The following TRPA1 variants were observed in gnomAD, a reference collection of about 807,000 sequenced individuals.
TRPA1 encodes ankyrin-like with transmembrane domains 1.
TRPA1 carries 129 observed loss-of-function variants against 131.3 expected under a neutral mutation model. That is an observed-to-expected ratio of 0.98 (90% CI 0.85 to 1.14). TRPA1 has a LOEUF of 1.14. Among genes scored for constraint, TRPA1 ranks in the 50% most tolerant of loss-of-function variants. The probability of loss-of-function intolerance (pLI) is 0.00; values close to 1 mark genes in which losing one functional copy is unlikely to be tolerated. For synonymous variants in TRPA1, 441 were observed against 451.7 expected (o/e 0.98, Z 0.30); for missense variants, 1,304 against 1,354.2 (o/e 0.96, Z 0.58).
At chr8:72,057,608 C>G (rs1241475169) in intron 9 of TRPA1, 109 bp downstream of exon 9, 3 of 872,326 alleles carry the variant, frequency 3.4e-6, no homozygotes, top group East Asian at 4.9e-5. Flanking sequence ...CAGGGCCTGG[C>G]ACACAATAGA....
the TRPA1 span, among the ~76,000 whole-genome samples, chr8:72,088,345 G>A: frequency 3.5e-5 from 4 of 112,890 alleles, no homozygotes; most frequent in Admixed American, 1.7e-4. Flanking sequence ...CCCTGTTTTG[G>A]ATTTACTTTT....
Position 72,055,693 on chromosome 8 carries a change from C to A in TRPA1, c.1357G>T (p.Ala453Ser). 6.2e-7 allele frequency: 1 copy of A among 1,613,610 alleles called. No homozygotes were observed. Among genetic ancestry groups the A allele is most frequent in the Non-Finnish European group, 8.5e-7 (1 of 1,179,682 alleles). Residue 453 changes from alanine (A) to serine (S), a missense_variant, in exon 11 of 27, where the codon GCA (alanine) becomes TCA (serine). By Grantham distance (99) the Ala-to-Ser change is moderately conservative. Transcript: ENST00000262209. Reference sequence around the variant, plus strand: ...TGCTAGACTGACCCTTACCTGGCTGCAAAATGCAGAGGTGATTTCTTATCT... The same window carrying A: ...TGCTAGACTGACCCTTACCTGGCTGAAAAATGCAGAGGTGATTTCTTATCT... ...SKDKKSPLHF[A>S]ASYGRINTCQ...
intron 6 of TRPA1, among the ~76,000 whole-genome samples, chr8:72,061,997 C>T (rs143461533): frequency 1.3e-5 from 2 of 152,184 alleles, no homozygotes; most frequent in Non-Finnish European, 2.9e-5. Flanking sequence ...TATAACAACT[C>T]TTGGCATACA....
chr8:72,024,540 C>T (rs1211882030), intron 25 of TRPA1, among the ~76,000 whole-genome samples: 1 of 152,082 alleles, frequency 6.6e-6, no homozygotes, highest in East Asian at 1.9e-4. Context: ...AGGATGACTC[C>T]TGGGTGGCTG....
chr8:72,054,518 TCTTGA>T (rs1246888769), intron 12 of TRPA1: 1 of 152,986 alleles, frequency 6.5e-6, no homozygotes, highest in Non-Finnish European at 1.5e-5. Context: ...AGAAAAAAAT[TCTTGA>T]CACTATTTAA....
At chr8:72,075,643 G>A (rs1806164023), upstream of TRPA1, 2 of 558,104 alleles carry the variant, frequency 3.6e-6, no homozygotes, top group Non-Finnish European at 6.4e-6. Flanking sequence ...GGCGCGGAGA[G>A]GAGGTAGAAA....
Position 72,036,319 on chromosome 8 carries a change from A to G in TRPA1, c.2524T>C (p.Tyr842His), listed in dbSNP as rs763703485. 6.2e-7 allele frequency: 1 copy of G among 1,614,172 alleles called. No individual in the cohort carries two copies. Among genetic ancestry groups the G allele is most frequent in the Admixed American group, 1.7e-5 (1 of 60,026 alleles). Residue 842 changes from tyrosine (Y) to histidine (H), a missense_variant, in exon 21 of 27, where the codon TAT becomes CAT. Transcript: ENST00000262209. The part of the protein sequence containing the change: ...WQCGAIAVYF[Y>H]WMNFLLYLQR... ...AGATACAATAAGAAATTCATCCAAT[A>G]GAAGTAAACAGCAATTGCTCCACAT...
At position 72,022,779 on chromosome 8, in the gene TRPA1, G is replaced by A. The variant is rs982819801; in HGVS notation, c.*127C>T. 66 of 867,952 alleles carry A rather than the reference G, an allele frequency of 7.6e-5. 3 individuals are homozygous for A. In the South Asian group the frequency reaches 9.2e-4, roughly 12 times the overall value. 53.8% of individuals were successfully genotyped at this position (867,952 alleles called of 1,614,324 possible). The stretch of plus-strand genomic sequence containing the variant: ...AAGATGGTTTACTTTTATACAGCAT[G>A]CAGGAACCATGATTTCACACGCAGC... On this transcript the variant is annotated 3_prime_UTR_variant, in exon 27 of 27. Coordinates refer to ENST00000262209, the MANE Select transcript of TRPA1 (RefSeq NM_007332.3).
intron 3 of TRPA1, among the ~76,000 whole-genome samples, chr8:72,066,473 C>A (rs945482763): frequency 6.6e-6 from 1 of 152,152 alleles, no homozygotes; most frequent in Non-Finnish European, 1.5e-5. Context: ...ATCTTGACTT[C>A]TTTGAAAAAA....
upstream of TRPA1, among the ~76,000 whole-genome samples, chr8:72,078,426 C>T (rs1806229348): frequency 6.6e-6 from 1 of 152,082 alleles, no homozygotes; most frequent in African/African-American, 2.4e-5. Flanking sequence ...CCTAAGCAAC[C>T]TTCAATCTGT....
upstream of TRPA1, chr8:72,075,651 A>G: frequency 1.8e-6 from 1 of 552,684 alleles, no homozygotes; most frequent in Non-Finnish European, 3.3e-6. Flanking sequence ...GAGGAGGTAG[A>G]AACGCGGAGC....
intron 17 of TRPA1, among the ~76,000 whole-genome samples, chr8:72,043,947 A>G (rs1277043454): frequency 6.6e-6 from 1 of 151,788 alleles, no homozygotes; most frequent in Non-Finnish European, 1.5e-5. Context: ...AGGAACCTTC[A>G]TTTTAACAAG....
intron 21 of TRPA1, among the ~76,000 whole-genome samples, chr8:72,034,795 G>A (rs759310461): frequency 3.3e-5 from 5 of 152,136 alleles, no homozygotes; most frequent in South Asian, 2.1e-4. Context: ...AGCCTGCCTC[G>A]GCTTCCCAAA....
At chr8:72,046,970 C>T (rs945043372) in intron 16 of TRPA1, among the ~76,000 whole-genome samples, 178 bp downstream of exon 16, 3 of 151,634 alleles carry the variant, frequency 2.0e-5, no homozygotes, top group South Asian at 2.1e-4. Context: ...TTAAAATATT[C>T]GGGGAAAACT....
chr8:72,057,143 T>C (rs1448397588), intron 9 of TRPA1, 126 bp from the exon 10 acceptor site: 1 of 717,998 alleles, frequency 1.4e-6, no homozygotes, highest in Non-Finnish European at 2.3e-6. Flanking sequence ...TACAGGAAAT[T>C]GTGTTTAGAT....
At chr8:72,025,831 A>T in intron 25 of TRPA1, 129 bp downstream of exon 25, 1 of 787,010 alleles carries the variant, frequency 1.3e-6, no homozygotes, top group Non-Finnish European at 2.1e-6. Context: ...TTTTTTTAAA[A>T]GCACAACTCC....
At chr8:72,057,324 G>A (rs1805694150) in intron 9 of TRPA1, among the ~76,000 whole-genome samples, 1 of 152,100 alleles carries the variant, frequency 6.6e-6, no homozygotes, top group South Asian at 2.1e-4. Flanking sequence ...GAAAGAAGAA[G>A]ATAGCAGAGA....
intron 12 of TRPA1, 103 bp from the exon 13 acceptor site, chr8:72,053,970 G>C (rs1585873041): frequency 1.3e-6 from 1 of 766,218 alleles, no homozygotes; most frequent in Non-Finnish European, 2.3e-6. Context: ...ACAACAAAAA[G>C]CATTATTGAG....
At chr8:72,036,949 A>G (rs1412038243) in intron 20 of TRPA1, among the ~76,000 whole-genome samples, 2 of 152,244 alleles carry the variant, frequency 1.3e-5, no homozygotes, top group Admixed American at 1.3e-4. Context: ...TAAATTTCCT[A>G]TAGAGTAGGC....
Sources: allele counts gnomAD v4.1 joint callset (sites outside exome capture counted in the v4.1 genomes callset), GRCh38; gene constraint gnomAD v4.1.1; transcripts MANE v1.5; gene names NCBI Gene and HGNC (gene_info 2026-07-23, HGNC 2026-07-21).